The following PTCHD1 variants were observed in gnomAD, a reference collection of about 807,000 sequenced individuals.
PTCHD1 encodes patched domain containing 1.
A neutral mutation model predicts 34.6 loss-of-function variants in PTCHD1; 3 were observed. That is an observed-to-expected ratio of 0.09 (90% CI 0.04 to 0.22). The LOEUF is 0.22. Among genes scored for constraint, PTCHD1 ranks in the 10% least tolerant of loss-of-function variants. PTCHD1 has a pLI of 1.00. For missense variants in PTCHD1, 504 were observed against 685.5 expected (o/e 0.74, Z 2.96); for synonymous variants, 305 against 283.1 (o/e 1.08, Z -0.77).
intron 1 of PTCHD1, among the ~76,000 whole-genome samples, chrX:23,375,432 GGC>G (rs376936608): frequency 0.011 from 1,181 of 111,084 alleles, 21 homozygotes; most frequent in African/African-American, 0.037. Context: ...TGGGATAACA[GGC>G]GCACACACCA....
intron 1 of PTCHD1, among the ~76,000 whole-genome samples, chrX:23,363,834 C>G (rs756742004): frequency 5.3e-5 from 6 of 112,600 alleles, no homozygotes; most frequent in Non-Finnish European, 9.4e-5. Flanking sequence ...TCAATATTTA[C>G]CAACATACCA....
Position 23,359,371 on chromosome X carries a change from G to A in PTCHD1, c.352-20220G>A, listed in dbSNP as rs780994652. Among the ~76,000 whole-genome samples, 4 of 111,907 alleles carry A rather than the reference G, an allele frequency of 3.6e-5. No individual in the cohort carries two copies. In the East Asian group the frequency reaches 1.1e-3, roughly 31 times the overall value. ...CTTGAGGAGGTCCTTCACATCCCTT[G>A]TAAGTTGGATTCCTAGGTGTTTTAT... On this transcript the variant is annotated intron_variant, in intron 1 of 2. Coordinates refer to ENST00000379361, the MANE Select transcript of PTCHD1 (RefSeq NM_173495.3).
At chrX:23,359,444 CTCTT>C (rs1301443669) in intron 1 of PTCHD1, among the ~76,000 whole-genome samples, 6 of 111,808 alleles carry the variant, frequency 5.4e-5, no homozygotes, top group Non-Finnish European at 7.5e-5. Context: ...ATTTGGCTCT[CTCTT>C]TGTCTGTTAT....
chrX:23,387,121 A>G (rs748335406), intron 2 of PTCHD1, among the ~76,000 whole-genome samples: 1 of 112,495 alleles, frequency 8.9e-6, no homozygotes, highest in South Asian at 3.7e-4. Flanking sequence ...TTGAAAACCA[A>G]ACAACAACAA....
At chrX:23,349,220 A>G in intron 1 of PTCHD1, among the ~76,000 whole-genome samples, 1 of 111,903 alleles carries the variant, frequency 8.9e-6, no homozygotes, top group East Asian at 2.8e-4. Flanking sequence ...GAGGAGGTAA[A>G]AAAAACAGGA....
chrX:23,393,475 A>G lies in PTCHD1; in HGVS notation c.1957A>G (p.Thr653Ala), dbSNP rs369086749. ...CTCCAGAATGTTTTTGGTGGCCAAGACCATGGAAACAAACAGAGAAGAACT... is the reference window on the plus strand; with the variant it reads ...CTCCAGAATGTTTTTGGTGGCCAAGGCCATGGAAACAAACAGAGAAGAACT... ...VASRMFLVAK[T>A]METNREELYD... The change falls in exon 3 of 3, where the codon ACC becomes GCC. Residue 653 changes from threonine to alanine, a missense_variant. Thr to Ala is a moderately conservative substitution (Grantham distance 58, BLOSUM62 0). Transcript: ENST00000379361. 6.6e-6 allele frequency: 8 copies of G among 1,208,907 alleles called. No homozygotes were observed. The African/African-American group carries it at 1.4e-4, about 21-fold the overall frequency.
In PTCHD1 at chrX:23,398,218, G is replaced by T. The variant is rs1020975640; in HGVS notation, c.*4033G>T. ...AGAAAAGAGACTCAAGACATTATTTGTAATTCAGCAATCTCGCACAGTAGC... is the reference window on the plus strand; with the variant it reads ...AGAAAAGAGACTCAAGACATTATTTTTAATTCAGCAATCTCGCACAGTAGC... On this transcript the variant is annotated 3_prime_UTR_variant, in exon 3 of 3. Transcript: ENST00000379361. The T allele has an allele frequency of 8.9e-6, 1 of 111,751 alleles. No individual in the cohort carries two copies. The highest frequency in any genetic ancestry group is 9.5e-5 in the Admixed American group (1 of 10,530). The allele number at this position is 111,751 out of a possible 1,213,427, so 9.2% of individuals were successfully genotyped here.
chrX:23,336,139 T>C (rs1221230315), intron 1 of PTCHD1, among the ~76,000 whole-genome samples: 1 of 111,338 alleles, frequency 9.0e-6, no homozygotes, highest in South Asian at 3.9e-4. Flanking sequence ...GAATTTGATG[T>C]GGAAAGTGAG....
At chrX:23,347,831 C>A (rs1219710298) in intron 1 of PTCHD1, among the ~76,000 whole-genome samples, 1 of 110,906 alleles carries the variant, frequency 9.0e-6, no homozygotes, top group African/African-American at 3.3e-5. Context: ...CATAGCAAGA[C>A]CCCGTCTCTA....
chrX:23,375,873 AATG>A (rs1199765233), intron 1 of PTCHD1, among the ~76,000 whole-genome samples: 6 of 112,363 alleles, frequency 5.3e-5, no homozygotes, highest in African/African-American at 1.9e-4. Flanking sequence ...TAACCTGAAG[AATG>A]ATGAGAGCAA....
At chrX:23,350,878 C>T (rs1309518481) in intron 1 of PTCHD1, 2 of 133,999 alleles carry the variant, frequency 1.5e-5, no homozygotes, top group Non-Finnish European at 2.9e-5. Flanking sequence ...AGTCAAACTA[C>T]AAATATTTAC....
intron 1 of PTCHD1, among the ~76,000 whole-genome samples, chrX:23,374,290 AAAAAAAAAAAAAAAAAAAAC>A (rs1159076901): frequency 1.3e-5 from 1 of 78,787 alleles, no homozygotes; most frequent in Non-Finnish European, 2.2e-5. Flanking sequence ...CAAAAAAAAA[AAAAAAAAAAAAAAAAAAAAC>A]CCAAAACCCT....
In PTCHD1 at chrX:23,400,051, G is replaced by A. The variant is rs1752465289; in HGVS notation, c.*5866G>A. 1 of 110,772 alleles carries A rather than the reference G, an allele frequency of 9.0e-6. No homozygotes were observed. The highest frequency in any genetic ancestry group is 1.9e-5 in the Non-Finnish European group (1 of 52,991). 9.1% of individuals were successfully genotyped at this position (110,772 alleles called of 1,213,427 possible). On this transcript the variant is annotated 3_prime_UTR_variant, in exon 3 of 3. Coordinates refer to ENST00000379361, the MANE Select transcript of PTCHD1 (RefSeq NM_173495.3). ...TCCCAAATGAGCCCTACTCTGAGAT[G>A]TCTACACCAGGCATGCTTTCACACA...
At chrX:23,376,644 C>A (rs990345873) in intron 1 of PTCHD1, among the ~76,000 whole-genome samples, 2 of 112,279 alleles carry the variant, frequency 1.8e-5, no homozygotes, top group African/African-American at 6.5e-5. Context: ...AAGATCAGAA[C>A]TGAGCCACTG....
At chrX:23,368,883 TG>T (rs1922210737) in intron 1 of PTCHD1, among the ~76,000 whole-genome samples, 1 of 110,473 alleles carries the variant, frequency 9.1e-6, no homozygotes, top group South Asian at 4.0e-4. Context: ...GCCAACATGG[TG>T]AAACCCCATC....
chrX:23,375,301 T>TG (rs1922381321), intron 1 of PTCHD1, among the ~76,000 whole-genome samples: 1 of 104,309 alleles, frequency 9.6e-6, no homozygotes, highest in East Asian at 3.0e-4. Context: ...TTTTTTTTTT[T>TG]TTTTTTGAGA....
intron 1 of PTCHD1, among the ~76,000 whole-genome samples, chrX:23,350,419 G>T (rs1423535852): frequency 1.8e-5 from 2 of 111,689 alleles, no homozygotes; most frequent in African/African-American, 6.5e-5. Context: ...CGTTGGCTTA[G>T]AAGTTTCCCA....
intron 1 of PTCHD1, among the ~76,000 whole-genome samples, chrX:23,356,611 T>A (rs1406454074): frequency 5.4e-5 from 6 of 111,600 alleles, no homozygotes; most frequent in African/African-American, 2.0e-4. Context: ...TCAAATCAAA[T>A]AAGTCACTGC....
chrX:23,359,175 T>A (rs1878502728), intron 1 of PTCHD1, among the ~76,000 whole-genome samples: 1 of 112,606 alleles, frequency 8.9e-6, no homozygotes, highest in African/African-American at 3.2e-5. Flanking sequence ...TTTTTTCCAA[T>A]TCTGTGAAGA....
Sources: allele counts gnomAD v4.1 joint callset (sites outside exome capture counted in the v4.1 genomes callset), GRCh38; gene constraint gnomAD v4.1.1; transcripts MANE v1.5; gene names NCBI Gene and HGNC (gene_info 2026-07-23, HGNC 2026-07-21).